EVI5L: variants seen among roughly 807,000 people sequenced by gnomAD.
The protein encoded by EVI5L is ecotropic viral integration site 5 like, also known as EVI5-like protein.
In EVI5L, 30 loss-of-function variants were observed where a neutral mutation model predicts 106.1. The ratio of observed to expected loss-of-function variants is 0.28; its 90% CI spans 0.21 to 0.38. The LOEUF is 0.38. Among genes scored for constraint, EVI5L ranks in the 10% least tolerant of loss-of-function variants. The probability of loss-of-function intolerance (pLI) is 1.00; values close to 1 mark genes in which losing one functional copy is unlikely to be tolerated. For missense variants in EVI5L, 809 were observed against 1,098.0 expected, an observed-to-expected ratio of 0.74 and a Z score of 3.72; for synonymous variants, 489 against 483.3, an observed-to-expected ratio of 1.01 and a Z score of -0.15.
chr19:7,836,622 A>G (rs1978353880), intron 1 of EVI5L, among the ~76,000 whole-genome samples: 1 of 151,988 alleles, frequency 6.6e-6, no homozygotes, highest in African/African-American at 2.4e-5. Flanking sequence ...ACTGTACAGA[A>G]ATTTCTATTT....
At chr19:7,851,129 C>T (rs1979229746) in intron 6 of EVI5L, among the ~76,000 whole-genome samples, 1 of 152,172 alleles carries the variant, frequency 6.6e-6, no homozygotes, top group South Asian at 2.1e-4. Flanking sequence ...CTCAGACACA[C>T]CCTCTCAGGC....
intron 1 of EVI5L, among the ~76,000 whole-genome samples, chr19:7,842,755 G>T (rs1568234606): frequency 2.9e-5 from 3 of 105,088 alleles, no homozygotes; most frequent in Non-Finnish European, 6.1e-5. Flanking sequence ...GAAGGTACTG[G>T]GTGTGTGTGT....
rs1599577905 is a variant in EVI5L, at chr19:7,858,430, A to C, written c.1374+99A>C. 7.2e-7 allele frequency: 1 copy of C among 1,380,640 alleles called. No individual in the cohort carries two copies. The highest frequency in any genetic ancestry group is 2.6e-5 in the East Asian group (1 of 39,184). 85.5% of individuals were successfully genotyped at this position (1,380,640 alleles called of 1,614,324 possible). On this transcript the variant is annotated intron_variant, in intron 13 of 19. Coordinates refer to ENST00000538904, the MANE Select transcript of EVI5L (RefSeq NM_001159944.3). This position sits in a 1 kb window ranked among gnomAD's most constrained non-coding sequence, Gnocchi z 5.7. ...CAGGGCTCATAATCTGCCCCGCCTC[A>C]GCACCTGGCCCTCCTGTTCCTTTCT...
At chr19:7,839,186 C>T (rs554813697) in intron 1 of EVI5L, among the ~76,000 whole-genome samples, 33 of 151,612 alleles carry the variant, frequency 2.2e-4, no homozygotes, top group African/African-American at 7.7e-4. Flanking sequence ...GCCTGTAGTC[C>T]CAGCTACTCA....
At position 7,851,732 on chromosome 19, in the gene EVI5L, G is replaced by A; in HGVS notation, c.949G>A (p.Ala317Thr). ...VGLALLQVNQ[A>T]ELMQLDMEGM... ...CCTCGCCCTGCTGCAGGTGAACCAG[G>A]CAGAGCTGATGCAGCTGGACATGGA... The change falls in exon 8 of 20, where the codon GCA becomes ACA. Residue 317 changes from alanine (A) to threonine (T), a missense_variant. This residue lies in a region of EVI5L where 357 missense variants were observed against 588.1 expected (regional missense o/e 0.61). Coordinates refer to ENST00000538904, the MANE Select transcript of EVI5L (RefSeq NM_001159944.3). 1 of 1,539,894 alleles carries A rather than the reference G, an allele frequency of 6.5e-7. No homozygotes were observed.
chr19:7,850,233 C>T lies in EVI5L; in HGVS notation c.753+111C>T, dbSNP rs1222851684. On this transcript the variant is annotated intron_variant, in intron 6 of 19. Transcript: ENST00000538904. The surrounding 1 kb of genome is among the most constrained non-coding windows in gnomAD (Gnocchi z 5.4). Reference sequence around the variant, plus strand: ...CAGGGCTGGCACCCTAGACCATACCCGGGCACCTCTTGGACTGAAAATTCC... The same window carrying T: ...CAGGGCTGGCACCCTAGACCATACCTGGGCACCTCTTGGACTGAAAATTCC... 4 of 1,428,264 alleles carry T rather than the reference C, an allele frequency of 2.8e-6. No individual in the cohort carries two copies. The highest frequency in any genetic ancestry group is 5.0e-5 in the East Asian group (2 of 40,204). The allele number at this position is 1,428,264 out of a possible 1,614,324, so 88.5% of individuals were successfully genotyped here.
chr19:7,853,197 G>A lies in EVI5L; in HGVS notation c.1085+14G>A, dbSNP rs763712500. ...GAAGATGAAGAGGTCGGTGCCTGCT[G>A]GGCAACCAGGGTACTGGTAAGAAGG... On this transcript the variant is annotated intron_variant, in intron 9 of 19. Transcript: ENST00000538904. 1.2e-6 allele frequency: 2 copies of A among 1,614,036 alleles called. No individual in the cohort carries two copies. Among genetic ancestry groups the A allele is most frequent in the South Asian group, 1.1e-5 (1 of 91,082 alleles).
intron 1 of EVI5L, among the ~76,000 whole-genome samples, chr19:7,836,366 C>T (rs1459766348): frequency 3.9e-5 from 6 of 152,240 alleles, no homozygotes; most frequent in Non-Finnish European, 8.8e-5. Flanking sequence ...TGCTCGCCCT[C>T]TCTCACCGTT....
Position 7,846,162 on chromosome 19 carries a change from C to G in EVI5L, c.-47-334C>G, listed in dbSNP as rs1415904959. Among the ~76,000 whole-genome samples the G allele has an allele frequency of 2.0e-5, 3 of 152,228 alleles. No individual in the cohort carries two copies. In the East Asian group the frequency reaches 5.8e-4, roughly 29 times the overall value. On this transcript the variant is annotated intron_variant, in intron 1 of 19. Coordinates refer to ENST00000538904, the MANE Select transcript of EVI5L (RefSeq NM_001159944.3). ...TGGAGCCCCGAGTGACAGGGAGCCT[C>G]TGCTCCGGGCCCTGCTCCAGCCTCA...
Position 7,858,251 on chromosome 19 carries a change from G to T in EVI5L, c.1294G>T (p.Val432Leu). ...ENYVIKRELA[V>L]VRQQCSSAAE... ...CTACGTCATCAAGCGGGAGCTGGCG[G>T]TGGTGCGGCAGCAGTGCAGCTCGGC... The change falls in exon 13 of 20, where the codon GTG (valine) becomes TTG (leucine). Residue 432 changes from valine (V) to leucine (L), a missense_variant. This residue lies in a region of EVI5L where 357 missense variants were observed against 588.1 expected (regional missense o/e 0.61). Transcript: ENST00000538904. This position sits in a 1 kb window ranked among gnomAD's most constrained non-coding sequence, Gnocchi z 5.7. 6.4e-7 allele frequency: 1 copy of T among 1,561,568 alleles called. No homozygotes were observed. Among genetic ancestry groups the T allele is most frequent in the Non-Finnish European group, 8.7e-7 (1 of 1,153,056 alleles).
At chr19:7,842,193 G>A (rs1568234069) in intron 1 of EVI5L, among the ~76,000 whole-genome samples, 1 of 86,146 alleles carries the variant, frequency 1.2e-5, no homozygotes, top group African/African-American at 3.3e-5. Context: ...GGGTGTGTGT[G>A]TTGTGTGTGC....
Position 7,857,332 on chromosome 19 carries a change from G to A in EVI5L, c.1233+208G>A, listed in dbSNP as rs1262651897. ...GTGGGGAGAAGGGTGTGTGTGGAGGGGCTGTGAGTGCGTTTGGGTGTGAAT... is the reference window on the plus strand; with the variant it reads ...GTGGGGAGAAGGGTGTGTGTGGAGGAGCTGTGAGTGCGTTTGGGTGTGAAT... On this transcript the variant is annotated intron_variant, in intron 12 of 19. Coordinates refer to ENST00000538904, the MANE Select transcript of EVI5L (RefSeq NM_001159944.3). The surrounding 1 kb of genome is among the most constrained non-coding windows in gnomAD (Gnocchi z 4.5). 4.6e-6 allele frequency: 3 copies of A among 648,496 alleles called. No homozygotes were observed. In the Admixed American group the frequency reaches 7.7e-5, roughly 17 times the overall value. 40.2% of individuals were successfully genotyped at this position (648,496 alleles called of 1,614,324 possible).
intron 6 of EVI5L, 98 bp from the exon 7 acceptor site, chr19:7,851,336 C>T (rs1451012967): frequency 1.4e-6 from 2 of 1,462,610 alleles, no homozygotes; most frequent in African/African-American, 1.4e-5. Flanking sequence ...CAGCGCAGGT[C>T]CAGGAAGGCT....
chr19:7,861,064 A>G (rs907384889), intron 14 of EVI5L, among the ~76,000 whole-genome samples: 1 of 152,128 alleles, frequency 6.6e-6, no homozygotes, highest in Admixed American at 6.5e-5. Context: ...ACACCATCCC[A>G]GGGCTTCTGG....
Position 7,858,165 on chromosome 19 carries a change from CT to C in EVI5L, c.1234-25del. 6.5e-7 allele frequency: 1 copy of C among 1,548,372 alleles called. No individual in the cohort carries two copies. The highest frequency in any genetic ancestry group is 8.7e-7 in the Non-Finnish European group (1 of 1,145,916). On this transcript the variant is annotated intron_variant, in intron 12 of 19. Transcript: ENST00000538904. This position sits in a 1 kb window ranked among gnomAD's most constrained non-coding sequence, Gnocchi z 5.7. ...GGGAGCCGAGGGTCACGGCCTCCCC[CT>C]GCCCCCTGTCCTCGCTGTTCTCAGG... is the stretch of plus-strand genomic sequence containing the variant.
rs1665251572 is a variant in EVI5L, at chr19:7,863,577, C to T, written c.2293C>T (p.Pro765Ser). The T allele has an allele frequency of 5.6e-6, 9 of 1,594,348 alleles. No individual in the cohort carries two copies. The highest frequency in any genetic ancestry group is 6.8e-6 in the Non-Finnish European group (8 of 1,171,528). ...CGCTGCCCTGCAGGACGCATTGTAC[C>T]CTCTGTCCCCGCGCGATGCGCGCTT... ...VGAALQDALY[P>S]LSPRDARFFR... Residue 765 changes from proline (P) to serine (S), a missense_variant, in exon 20 of 20, where the codon CCT (proline) becomes TCT (serine). Pro to Ser is a moderately conservative substitution (Grantham distance 74). Around this residue, in one of 2 missense-constraint regions of EVI5L, gnomAD observed 452 missense variants for 509.9 expected, o/e 0.89. Coordinates refer to ENST00000538904, the MANE Select transcript of EVI5L (RefSeq NM_001159944.3). The surrounding 1 kb of genome is among the most constrained non-coding windows in gnomAD (Gnocchi z 7.7).
At chr19:7,849,912 C>T (rs895881100) in intron 5 of EVI5L, 85 bp from the exon 6 acceptor site, 4 of 1,147,674 alleles carry the variant, frequency 3.5e-6, no homozygotes, top group East Asian at 2.6e-5. Context: ...GACATGGGCC[C>T]CTGTACCCCA....
At chr19:7,834,989 T>C (rs1041107234) in intron 1 of EVI5L, among the ~76,000 whole-genome samples, 4 of 151,866 alleles carry the variant, frequency 2.6e-5, no homozygotes, top group African/African-American at 9.7e-5. Flanking sequence ...ATAACAAAAT[T>C]AGCTGGACAT....
intron 14 of EVI5L, among the ~76,000 whole-genome samples, chr19:7,861,194 C>T (rs955386429): frequency 6.6e-6 from 1 of 152,166 alleles, no homozygotes; most frequent in Non-Finnish European, 1.5e-5. Flanking sequence ...CCCACCCCCT[C>T]GAGCCTGCAC....
Sources: allele counts gnomAD v4.1 joint callset (sites outside exome capture counted in the v4.1 genomes callset), GRCh38; gene constraint gnomAD v4.1.1; regional missense constraint gnomAD v4.1.1; non-coding constraint Gnocchi (gnomAD v3.1); transcripts MANE v1.5; gene names NCBI Gene and HGNC (gene_info 2026-07-23, HGNC 2026-07-21).